The following COL24A1 variants were observed in gnomAD, a reference collection of about 807,000 sequenced individuals.
The protein encoded by COL24A1 is collagen alpha-1(XXIV) chain.
COL24A1 carries 224 observed loss-of-function variants against 253.9 expected under a neutral mutation model. The ratio of observed to expected loss-of-function variants is 0.88; its 90% CI spans 0.79 to 0.99. COL24A1 has a LOEUF of 0.99. Among genes scored for constraint, COL24A1 ranks in the 50% least tolerant of loss-of-function variants. The pLI is 0.00. For synonymous variants in COL24A1, 685 were observed against 673.7 expected, an observed-to-expected ratio of 1.02 and a Z score of -0.26; for missense variants, 2,131 against 2,068.5, an observed-to-expected ratio of 1.03 and a Z score of -0.59.
intron 7 of COL24A1, among the ~76,000 whole-genome samples, chr1:86,065,756 TAAAA>T (rs71078636): frequency 8.4e-6 from 1 of 118,608 alleles, no homozygotes. Flanking sequence ...TAGCAACCTC[TAAAA>T]AAAAAAAAAA....
chr1:86,092,923 A>G (rs1703611541), intron 5 of COL24A1, among the ~76,000 whole-genome samples: 1 of 152,132 alleles, frequency 6.6e-6, no homozygotes, highest in East Asian at 1.9e-4. Flanking sequence ...GTTTCAGCTA[A>G]AGTTTTTGGG....
chr1:85,834,312 GAGAC>G (rs985506663), intron 43 of COL24A1, among the ~76,000 whole-genome samples: 9 of 151,864 alleles, frequency 5.9e-5, no homozygotes, highest in South Asian at 4.2e-4. Flanking sequence ...GATTGAGAGA[GAGAC>G]AGAGAGAGGG....
intron 37 of COL24A1, among the ~76,000 whole-genome samples, chr1:85,852,131 T>A (rs912117233): frequency 6.6e-6 from 1 of 152,224 alleles, no homozygotes; most frequent in Admixed American, 6.5e-5. Flanking sequence ...TGCGCATTTG[T>A]GTGAGGGAGA....
chr1:85,929,900 C>A (rs375318982), intron 24 of COL24A1, among the ~76,000 whole-genome samples: 1 of 121,102 alleles, frequency 8.3e-6, no homozygotes, highest in Non-Finnish European at 1.7e-5. Flanking sequence ...ACAAAGACAC[C>A]ACATACCAGA....
chr1:85,971,970 T>C (rs1008877206), intron 20 of COL24A1, among the ~76,000 whole-genome samples: 1 of 152,212 alleles, frequency 6.6e-6, no homozygotes, highest in Admixed American at 6.5e-5. Context: ...TAAAAAAGTA[T>C]TTTGTTAAAC....
At chr1:85,874,976 C>T (rs1408174298) in intron 34 of COL24A1, among the ~76,000 whole-genome samples, 2 of 152,190 alleles carry the variant, frequency 1.3e-5, no homozygotes, top group Non-Finnish European at 2.9e-5. Flanking sequence ...ATCTGGGTTG[C>T]TCAGTCCTTA....
chr1:85,886,698 G>A (rs1030341295), intron 32 of COL24A1, among the ~76,000 whole-genome samples: 1 of 151,904 alleles, frequency 6.6e-6, no homozygotes, highest in African/African-American at 2.4e-5. Context: ...CTAAATTTTA[G>A]ACTACTTGCT....
chr1:86,052,479 C>A (rs1700381977), intron 10 of COL24A1, among the ~76,000 whole-genome samples: 1 of 152,058 alleles, frequency 6.6e-6, no homozygotes, highest in South Asian at 2.1e-4. Context: ...GTAAGCCAGT[C>A]ACAAAAGGAC....
intron 47 of COL24A1, among the ~76,000 whole-genome samples, chr1:85,814,261 A>T (rs1008938368): frequency 6.6e-6 from 1 of 152,190 alleles, no homozygotes; most frequent in African/African-American, 2.4e-5. Flanking sequence ...TTCTAGATAG[A>T]GCCAGTGTTT....
intron 2 of COL24A1, among the ~76,000 whole-genome samples, chr1:86,137,479 G>A (rs1307447056): frequency 6.6e-6 from 1 of 152,108 alleles, no homozygotes; most frequent in Non-Finnish European, 1.5e-5. Context: ...ACCCAGCTAG[G>A]GAGTGCAGAG....
At chr1:85,868,925 T>C (rs1680097633) in intron 35 of COL24A1, 90 bp from the exon 36 acceptor site, 1 of 841,492 alleles carries the variant, frequency 1.2e-6, no homozygotes, top group Admixed American at 3.1e-5. Flanking sequence ...ATATGGAAAA[T>C]AGCAAATTTG....
intron 56 of COL24A1, 36 bp from the exon 57 acceptor site, chr1:85,744,870 A>C (rs1342405882): frequency 1.3e-6 from 2 of 1,558,716 alleles, no homozygotes; most frequent in East Asian, 2.2e-5. Flanking sequence ...TAAGCAAAAA[A>C]ATCCTGAGGA....
intron 2 of COL24A1, among the ~76,000 whole-genome samples, chr1:86,129,377 A>G (rs575042826): frequency 9.9e-5 from 15 of 151,508 alleles, no homozygotes; most frequent in Admixed American, 9.9e-4. Context: ...CTTCAGATTT[A>G]TTTATCTACT....
chr1:85,976,656 A>AT (rs2100817378), intron 20 of COL24A1, among the ~76,000 whole-genome samples: 1 of 152,298 alleles, frequency 6.6e-6, no homozygotes, highest in South Asian at 2.1e-4. Context: ...GCAAGCTTAT[A>AT]TCCCCCTTCC....
chr1:86,091,465 T>C (rs772360051), intron 6 of COL24A1, among the ~76,000 whole-genome samples: 9 of 152,012 alleles, frequency 5.9e-5, no homozygotes, highest in African/African-American at 1.2e-4. Flanking sequence ...ACCAAAATTG[T>C]TCAGGGATTT....
intron 37 of COL24A1, among the ~76,000 whole-genome samples, chr1:85,854,817 C>T (rs894984164): frequency 6.6e-6 from 1 of 152,030 alleles, no homozygotes; most frequent in African/African-American, 2.4e-5. Flanking sequence ...GATTCTCCCG[C>T]CTCAGCCTCC....
chr1:86,027,795 G>A (rs546269), intron 14 of COL24A1, among the ~76,000 whole-genome samples: 5 of 151,950 alleles, frequency 3.3e-5, no homozygotes, highest in South Asian at 2.1e-4. Context: ...GTAGATCCAC[G>A]AACAGCTTGC....
intron 7 of COL24A1, among the ~76,000 whole-genome samples, chr1:86,074,749 C>T (rs538238064): frequency 6.6e-6 from 1 of 151,866 alleles, no homozygotes; most frequent in Admixed American, 6.6e-5. Flanking sequence ...GAAATCATAA[C>T]AAACAGTCTC....
intron 19 of COL24A1, among the ~76,000 whole-genome samples, chr1:86,013,185 A>C (rs1393426105): frequency 6.6e-6 from 1 of 152,118 alleles, no homozygotes; most frequent in Admixed American, 6.5e-5. Flanking sequence ...AAATTCTGTA[A>C]TTTTCAGATA....
Sources: gnomAD v4.1 joint callset for allele counts (sites outside exome capture counted in the v4.1 genomes callset) on GRCh38, gnomAD v4.1.1 for gene constraint, MANE v1.5 for transcripts, NCBI Gene and HGNC (gene_info 2026-07-23, HGNC 2026-07-21) for gene names.